Variants in DPP6 observed in about 807,000 individuals in gnomAD.
DPP6 encodes the protein A-type potassium channel modulatory protein DPP6.
In DPP6, 69 loss-of-function variants were observed where a neutral mutation model predicts 122.6. The ratio of observed to expected loss-of-function variants is 0.56; its 90% CI spans 0.46 to 0.69. The LOEUF (loss-of-function observed/expected upper bound fraction) is 0.69. Ranked by LOEUF, DPP6 falls within the 30% of genes least tolerant of loss-of-function variation. The pLI, the probability that DPP6 is intolerant of heterozygous loss-of-function variation, is 0.00. For synonymous variants in DPP6, 418 were observed against 433.1 expected, an observed-to-expected ratio of 0.97 and a Z score of 0.43; for missense variants, 928 against 1,116.9, an observed-to-expected ratio of 0.83 and a Z score of 2.41.
At chr7:154,136,529 G>A (rs1316703481) in intron 1 of DPP6, among the ~76,000 whole-genome samples, 1 of 152,162 alleles carries the variant, frequency 6.6e-6, no homozygotes, top group African/African-American at 2.4e-5. Flanking sequence ...GTATTTTTGT[G>A]TTCTGTTGTC....
At chr7:154,479,570 A>AAAAAAAAAAAAG (rs572938567) in intron 3 of DPP6, among the ~76,000 whole-genome samples, 3 of 101,554 alleles carry the variant, frequency 3.0e-5, no homozygotes, top group African/African-American at 3.2e-5. Flanking sequence ...AAAAAAAAAA[A>AAAAAAAAAAAAG]AAAAGAAAAG....
chr7:154,788,816 C>T (rs1229149111), intron 10 of DPP6, among the ~76,000 whole-genome samples: 1 of 152,178 alleles, frequency 6.6e-6, no homozygotes, highest in Non-Finnish European at 1.5e-5. Context: ...ACTGCTCTTC[C>T]CAGCCGGTAG....
At chr7:154,283,192 G>C (rs1804639293) in intron 1 of DPP6, among the ~76,000 whole-genome samples, 1 of 152,180 alleles carries the variant, frequency 6.6e-6, no homozygotes, top group Non-Finnish European at 1.5e-5. Context: ...TCTTGTCCTA[G>C]GTCACTCATT....
At chr7:154,725,188 T>C (rs1430359706) in intron 7 of DPP6, among the ~76,000 whole-genome samples, 3 of 152,184 alleles carry the variant, frequency 2.0e-5, no homozygotes, top group Non-Finnish European at 4.4e-5. Flanking sequence ...TGTTAATGAA[T>C]GTTGTTGAAT....
chr7:154,345,269 G>A (rs184836523), intron 1 of DPP6, among the ~76,000 whole-genome samples: 65 of 152,206 alleles, frequency 4.3e-4, no homozygotes, highest in Admixed American at 2.6e-3. Flanking sequence ...CCCATGGTGA[G>A]GGCCTCACCC....
intron 7 of DPP6, among the ~76,000 whole-genome samples, chr7:154,691,465 T>C (rs67671159): frequency 0.13 from 20,432 of 152,160 alleles, 1,477 homozygotes; most frequent in African/African-American, 0.19. Context: ...TTTATAGTAG[T>C]AATACAAAAT....
At chr7:154,720,795 G>A (rs1841763261) in intron 7 of DPP6, among the ~76,000 whole-genome samples, 1 of 152,252 alleles carries the variant, frequency 6.6e-6, no homozygotes, top group South Asian at 2.1e-4. Context: ...CGGAATGCAA[G>A]TGCTGAGCCA....
chr7:154,636,527 A>G (rs1313280374), intron 5 of DPP6, among the ~76,000 whole-genome samples: 2 of 152,192 alleles, frequency 1.3e-5, no homozygotes, highest in African/African-American at 4.8e-5. Flanking sequence ...CTGTTTCTTT[A>G]TGACTAAAGC....
chr7:154,384,654 C>A (rs1446049966), intron 1 of DPP6, among the ~76,000 whole-genome samples: 2 of 151,458 alleles, frequency 1.3e-5, no homozygotes, highest in African/African-American at 2.4e-5. Context: ...ATTTTATTTC[C>A]AAAAAAATGG....
At chr7:154,713,287 G>A (rs1015035720) in intron 7 of DPP6, among the ~76,000 whole-genome samples, 117 of 152,344 alleles carry the variant, frequency 7.7e-4, no homozygotes, top group Non-Finnish European at 1.5e-3. Flanking sequence ...GGTACCTGGG[G>A]CAAGCTATTG....
intron 7 of DPP6, among the ~76,000 whole-genome samples, chr7:154,670,170 G>A (rs1838469023): frequency 1.3e-5 from 2 of 152,056 alleles, no homozygotes; most frequent in Admixed American, 6.6e-5. Context: ...TCTGCGGAGG[G>A]TTTTTTAAGC....
At chr7:154,033,653 A>C (rs1330020596) in intron 1 of DPP6, among the ~76,000 whole-genome samples, 2 of 152,160 alleles carry the variant, frequency 1.3e-5, no homozygotes. Flanking sequence ...GATATTTCTC[A>C]TTGTGAGTGA....
At chr7:153,958,786 C>T (rs1039212647) in intron 1 of DPP6, among the ~76,000 whole-genome samples, 2 of 152,090 alleles carry the variant, frequency 1.3e-5, no homozygotes, top group Non-Finnish European at 2.9e-5. Context: ...CCCTGAACAT[C>T]TGGCCTGTTT....
chr7:154,701,255 C>G (rs1840509839), intron 7 of DPP6, among the ~76,000 whole-genome samples: 1 of 152,182 alleles, frequency 6.6e-6, no homozygotes. Context: ...CTTTCCAGGC[C>G]TTTCTCCTCT....
chr7:154,883,324 A>G (rs1439012088), intron 21 of DPP6, among the ~76,000 whole-genome samples: 3 of 148,486 alleles, frequency 2.0e-5, no homozygotes, highest in Non-Finnish European at 4.4e-5. Context: ...GCTCACACAT[A>G]CACATGGTGT....
At chr7:154,556,670 T>C (rs1208389772) in intron 4 of DPP6, among the ~76,000 whole-genome samples, 1 of 152,130 alleles carries the variant, frequency 6.6e-6, no homozygotes, top group African/African-American at 2.4e-5. Context: ...TAATTTGCCA[T>C]ATATGATTTT....
At chr7:154,394,999 C>T (rs535208741) in intron 1 of DPP6, among the ~76,000 whole-genome samples, 1 of 152,268 alleles carries the variant, frequency 6.6e-6, no homozygotes, top group East Asian at 1.9e-4. Context: ...TTCATTTGGG[C>T]TGCTATGACG....
intron 1 of DPP6, among the ~76,000 whole-genome samples, chr7:154,107,780 T>A (rs1806279989): frequency 1.3e-5 from 2 of 152,292 alleles, no homozygotes; most frequent in African/African-American, 4.8e-5. Context: ...CCGCCTTGCC[T>A]GGGGCCCAGA....
the DPP6 span, among the ~76,000 whole-genome samples, chr7:153,851,098 A>G: frequency 3.7e-3 from 567 of 152,310 alleles, no homozygotes; most frequent in Non-Finnish European, 5.9e-3. Flanking sequence ...TCTAGTGCTG[A>G]TCAGATTATA....
Sources: allele counts gnomAD v4.1 joint callset (sites outside exome capture counted in the v4.1 genomes callset), GRCh38; gene constraint gnomAD v4.1.1; transcripts MANE v1.5; gene names NCBI Gene and HGNC (gene_info 2026-07-23, HGNC 2026-07-21).